WDR72: variants seen among roughly 807,000 people sequenced by gnomAD.
WDR72 encodes the protein WD repeat domain 72.
In WDR72, 120 loss-of-function variants were observed where a neutral mutation model predicts 124.2. The ratio of observed to expected loss-of-function variants is 0.97; its 90% CI spans 0.83 to 1.12. The LOEUF (loss-of-function observed/expected upper bound fraction) is 1.12. WDR72 is among the 50% of genes most tolerant of loss of function. The pLI is 0.00. For missense variants in WDR72, 1,387 were observed against 1,278.8 expected, an observed-to-expected ratio of 1.08 and a Z score of -1.29; for synonymous variants, 452 against 441.7, an observed-to-expected ratio of 1.02 and a Z score of -0.29.
rs900890571 is a variant in WDR72, at chr15:53,516,721, T to C, written c.*978A>G. On this transcript the variant is annotated 3_prime_UTR_variant, in exon 20 of 20. Transcript: ENST00000360509. ...TTAATACTTTATATCCTTTTTTCTA[T>C]GGATTAGGCAATATTTATATACATA... 3.3e-5 allele frequency: 5 copies of C among 152,048 alleles called. No homozygotes were observed. Among genetic ancestry groups the C allele is most frequent in the African/African-American group, 1.2e-4 (5 of 41,434 alleles). The allele number at this position is 152,048 out of a possible 1,614,324, so 9.4% of individuals were successfully genotyped here. A position where few individuals can be genotyped will look rare whatever the true frequency, so the allele number is the denominator to read the frequency against.
intron 18 of WDR72, among the ~76,000 whole-genome samples, chr15:53,539,318 C>G (rs775172349): frequency 6.6e-6 from 1 of 152,030 alleles, no homozygotes; most frequent in Non-Finnish European, 1.5e-5. Flanking sequence ...TATACATTTA[C>G]CTGTAGAACT....
At chr15:53,646,532 C>T (rs1442246540) in intron 14 of WDR72, among the ~76,000 whole-genome samples, 1 of 151,962 alleles carries the variant, frequency 6.6e-6, no homozygotes, top group East Asian at 1.9e-4. Flanking sequence ...AACAAAATTA[C>T]CAAAGGCCAG....
chr15:53,718,206 G>A (rs1454243764), intron 3 of WDR72, among the ~76,000 whole-genome samples: 3 of 139,962 alleles, frequency 2.1e-5, no homozygotes, highest in African/African-American at 1.0e-4. Context: ...ATCCTGGCAT[G>A]TGTGGTTTTG....
At chr15:53,564,700 A>G (rs1025273279) in intron 18 of WDR72, among the ~76,000 whole-genome samples, 1 of 151,900 alleles carries the variant, frequency 6.6e-6, no homozygotes. Context: ...TTTCTGACCT[A>G]TCAAAGGTCT....
At chr15:53,727,986 T>A (rs1301781079) in intron 2 of WDR72, among the ~76,000 whole-genome samples, 1 of 152,142 alleles carries the variant, frequency 6.6e-6, no homozygotes, top group Admixed American at 6.5e-5. Context: ...ACCACCACCA[T>A]CACTTCCAGG....
chr15:53,663,106 A>ATAAC (rs2015661796), intron 14 of WDR72, among the ~76,000 whole-genome samples: 1 of 151,312 alleles, frequency 6.6e-6, no homozygotes, highest in Admixed American at 6.6e-5. Flanking sequence ...AAATAAATAA[A>ATAAC]TAAATAAATA....
chr15:53,641,755 C>T (rs946476738), intron 14 of WDR72, among the ~76,000 whole-genome samples: 8 of 151,522 alleles, frequency 5.3e-5, no homozygotes, highest in African/African-American at 1.9e-4. Flanking sequence ...AATTTTAATT[C>T]CATTGTACAT....
chr15:53,716,649 G>A lies in WDR72; in HGVS notation c.297C>T (p.Cys99=), dbSNP rs530593628. ...MCVWNVTNGQ[C]MEKATLPYRH... ...TGTAAGGAAGTGTAGCCTTCTCCAT[G>A]CACTGTCCATTGGTGACATTCCAAA... Residue 99 remains cysteine, a synonymous_variant, in exon 4 of 20, where the codon TGC becomes TGT. Coordinates refer to ENST00000360509, the MANE Select transcript of WDR72 (RefSeq NM_182758.4). 1.2e-5 allele frequency: 20 copies of A among 1,608,012 alleles called. No individual in the cohort carries two copies. Among genetic ancestry groups the A allele is most frequent in the Non-Finnish European group, 1.5e-5 (18 of 1,174,600 alleles).
At position 53,665,603 on chromosome 15, in the gene WDR72, C is replaced by A. The variant is rs1232352011; in HGVS notation, c.1931G>T (p.Cys644Phe). The change falls in exon 14 of 20, where the codon TGC (cysteine) becomes TTC (phenylalanine). Residue 644 changes from cysteine (C) to phenylalanine (F), a missense_variant. Physicochemically the swap from Cys to Phe is radical, Grantham distance 205 (BLOSUM62 -2). Coordinates refer to ENST00000360509, the MANE Select transcript of WDR72 (RefSeq NM_182758.4). ...TGAAGACTCCACCTGCAGACCAGGG[C>A]AAGGTAATGGCCCAAGCTGGTAGGG... ...SSPYQLGPLP[C>F]PGLQVESSCK... is the part of the protein sequence containing the mutation. 1.2e-6 allele frequency: 2 copies of A among 1,613,726 alleles called. No individual in the cohort carries two copies. The highest frequency in any genetic ancestry group is 2.7e-5 in the African/African-American group (2 of 74,872).
Position 53,539,640 on chromosome 15 carries a change from C to T in WDR72, c.3149-16318G>A, listed in dbSNP as rs541820306. Among the ~76,000 whole-genome samples, 15 of 147,872 alleles carry T rather than the reference C, an allele frequency of 1.0e-4. No homozygotes were observed. The South Asian group carries it at 3.2e-3, about 31-fold the overall frequency. ...GTAAAGGTTTTAGCATAAAGGTAAA[C>T]ATTAGGAAAAAAAAAAACTACCAAA... On this transcript the variant is annotated intron_variant, in intron 18 of 19. Transcript: ENST00000360509.
rs1447137047 is a variant in WDR72 at position 53,705,012 on chromosome 15, G to A, written c.1324C>T (p.Leu442=). 1.2e-6 allele frequency: 2 copies of A among 1,613,838 alleles called. No individual in the cohort carries two copies. Among genetic ancestry groups the A allele is most frequent in the East Asian group, 2.2e-5 (1 of 44,856 alleles). Residue 442 remains leucine, a synonymous_variant, in exon 11 of 20, where the codon CTG becomes TTG. Coordinates refer to ENST00000360509, the MANE Select transcript of WDR72 (RefSeq NM_182758.4). ...QALNAAKARL[L]EGGSLVKDSP... ...CCTTTTACTAAAGAACCACCTTCCAGAAGTCTTGCTTTGGCAGCATTCAAA... is the reference window on the plus strand; with the variant it reads ...CCTTTTACTAAAGAACCACCTTCCAAAAGTCTTGCTTTGGCAGCATTCAAA...
intron 18 of WDR72, among the ~76,000 whole-genome samples, chr15:53,526,863 T>C (rs1220695635): frequency 6.6e-6 from 1 of 152,008 alleles, no homozygotes; most frequent in Non-Finnish European, 1.5e-5. Context: ...CATTTGAAGG[T>C]AAGGGGCAAA....
chr15:53,520,028 C>T (rs552991533), intron 19 of WDR72, among the ~76,000 whole-genome samples: 5 of 152,184 alleles, frequency 3.3e-5, no homozygotes, highest in African/African-American at 1.2e-4. Context: ...ACTCTATCAA[C>T]ATCTAAATAT....
intron 17 of WDR72, among the ~76,000 whole-genome samples, chr15:53,609,270 C>A (rs758718929): frequency 1.3e-4 from 20 of 152,076 alleles, no homozygotes; most frequent in Non-Finnish European, 2.9e-4. Flanking sequence ...CTTCAACAAG[C>A]AAGAAATTAC....
chr15:53,571,822 A>C (rs1045319601), intron 18 of WDR72, among the ~76,000 whole-genome samples: 3 of 151,560 alleles, frequency 2.0e-5, no homozygotes, highest in African/African-American at 7.3e-5. Context: ...TGGTTGTACT[A>C]ATATAGATTC....
intron 13 of WDR72, among the ~76,000 whole-genome samples, chr15:53,672,281 A>T (rs1239765934): frequency 1.4e-5 from 2 of 146,396 alleles, no homozygotes; most frequent in Non-Finnish European, 3.0e-5. Context: ...CTTAAGCATT[A>T]GCAGCACATA....
chr15:53,537,759 G>A (rs1425396235), intron 18 of WDR72, among the ~76,000 whole-genome samples: 1 of 152,000 alleles, frequency 6.6e-6, no homozygotes, highest in Admixed American at 6.5e-5. Context: ...CAGCCTTAAG[G>A]TCAAGACATT....
chr15:53,637,016 C>T (rs1404210168), intron 14 of WDR72, among the ~76,000 whole-genome samples: 1 of 152,136 alleles, frequency 6.6e-6, no homozygotes, highest in Non-Finnish European at 1.5e-5. Context: ...TCTCATTTCC[C>T]ATTGCCACTC....
chr15:53,744,061 G>A (rs1355447612), intron 1 of WDR72, among the ~76,000 whole-genome samples: 1 of 151,858 alleles, frequency 6.6e-6, no homozygotes, highest in Non-Finnish European at 1.5e-5. Context: ...TAACGTTTCT[G>A]TTTTCATTCT....
Sources: gnomAD v4.1 joint callset for allele counts (sites outside exome capture counted in the v4.1 genomes callset) on GRCh38, gnomAD v4.1.1 for gene constraint, MANE v1.5 for transcripts, NCBI Gene and HGNC (gene_info 2026-07-23, HGNC 2026-07-21) for gene names.